Variants in PTPRD observed in about 807,000 individuals in gnomAD.
The protein encoded by PTPRD is receptor-type tyrosine-protein phosphatase delta.
A neutral mutation model predicts 214.5 loss-of-function variants in PTPRD; 34 were observed. The observed-to-expected ratio is 0.16, with a 90% CI of 0.12 to 0.21. PTPRD has a LOEUF of 0.21. Among genes scored for constraint, PTPRD ranks in the 10% least tolerant of loss-of-function variants. The probability of loss-of-function intolerance (pLI) is 1.00; values close to 1 mark genes in which losing one functional copy is unlikely to be tolerated. For synonymous variants in PTPRD, 1,128 were observed against 845.7 expected (o/e 1.33, Z -5.79); for missense variants, 2,545 against 2,398.7 (o/e 1.06, Z -1.27).
Position 8,501,028 on chromosome 9 carries a change from G to C in PTPRD, c.1854C>G (p.Cys618Trp), listed in dbSNP as rs2097393205. The C allele has an allele frequency of 1.2e-6, 2 of 1,613,860 alleles. No homozygotes were observed. The highest frequency in any genetic ancestry group is 4.5e-5 in the East Asian group (2 of 44,874). Residue 618 changes from cysteine (C) to tryptophan (W), a missense_variant, in exon 24 of 46, where the codon TGC (cysteine) becomes TGG (tryptophan). Transcript: ENST00000381196. Reference protein sequence around the residue: ...KPSAPPQDISCTSPSSTSILV... With the variant: ...KPSAPPQDISWTSPSSTSILV... ...AAATACTAGTGGAACTTGGGCTGGT[G>C]CAACTAATGTCTTGAGGAGGAGCTG...
At chr9:8,347,634 G>A (rs570040284) in intron 39 of PTPRD, among the ~76,000 whole-genome samples, 3 of 152,108 alleles carry the variant, frequency 2.0e-5, no homozygotes, top group South Asian at 4.1e-4. Flanking sequence ...ATGTTGAAAC[G>A]CTAACCCCCA....
chr9:10,556,496 A>T (rs2062634038), intron 2 of PTPRD, among the ~76,000 whole-genome samples: 1 of 152,118 alleles, frequency 6.6e-6, no homozygotes, highest in South Asian at 2.1e-4. Context: ...GGAAAAACGT[A>T]GAAAATACTG....
At chr9:9,573,329 C>A (rs2087155097) in intron 8 of PTPRD, among the ~76,000 whole-genome samples, 1 of 151,022 alleles carries the variant, frequency 6.6e-6, no homozygotes, top group African/African-American at 2.4e-5. Context: ...CTGTATACTT[C>A]TAGAACTGAA....
chr9:8,896,529 T>G (rs1271566134), intron 11 of PTPRD, among the ~76,000 whole-genome samples: 1 of 152,192 alleles, frequency 6.6e-6, no homozygotes, highest in East Asian at 1.9e-4. Flanking sequence ...ACCTAACATC[T>G]AATTTTAGTA....
At chr9:10,158,395 T>C (rs1239632940) in intron 3 of PTPRD, among the ~76,000 whole-genome samples, 1 of 152,210 alleles carries the variant, frequency 6.6e-6, no homozygotes. Flanking sequence ...TAATCAGCCA[T>C]GCATTTTAGT....
chr9:9,193,895 T>A (rs1160171243), intron 9 of PTPRD, among the ~76,000 whole-genome samples: 1 of 152,148 alleles, frequency 6.6e-6, no homozygotes, highest in East Asian at 1.9e-4. Context: ...TAAATTAACC[T>A]TAGATTACTG....
chr9:10,468,432 T>G (rs1225349652), intron 2 of PTPRD, among the ~76,000 whole-genome samples: 1 of 151,898 alleles, frequency 6.6e-6, no homozygotes, highest in Non-Finnish European at 1.5e-5. Flanking sequence ...TTCTCACTCA[T>G]AAGAGGGAGG....
intron 8 of PTPRD, among the ~76,000 whole-genome samples, chr9:9,552,021 A>T (rs896613794): frequency 6.6e-6 from 1 of 152,066 alleles, no homozygotes; most frequent in Admixed American, 6.6e-5. Context: ...ATAAAGACAC[A>T]TAAGCCCAAC....
At position 8,317,775 on chromosome 9, in the gene PTPRD, G is replaced by C. The variant is rs1160218953; in HGVS notation, c.*99C>G. 6.0e-6 allele frequency: 6 copies of C among 1,003,650 alleles called. No homozygotes were observed. The highest frequency in any genetic ancestry group is 1.6e-5 in the African/African-American group (1 of 61,944). 62.2% of individuals were successfully genotyped at this position (1,003,650 alleles called of 1,614,324 possible). A position where few individuals can be genotyped will look rare whatever the true frequency, so the allele number is the denominator to read the frequency against. ...AGTCCCACTAAGTAGTTGTTAGCTA[G>C]AAGTTAAGAAGGACTTCTCAAGTGC... On this transcript the variant is annotated 3_prime_UTR_variant, in exon 46 of 46. Transcript: ENST00000381196.
intron 7 of PTPRD, among the ~76,000 whole-genome samples, chr9:9,687,414 C>T (rs371328577): frequency 2.0e-5 from 3 of 151,692 alleles, no homozygotes; most frequent in African/African-American, 7.3e-5. Context: ...CTCAGGGTTT[C>T]CTGATGGGTA....
intron 44 of PTPRD, among the ~76,000 whole-genome samples, chr9:8,324,304 C>A (rs997494984): frequency 6.6e-6 from 1 of 152,044 alleles, no homozygotes; most frequent in African/African-American, 2.4e-5. Flanking sequence ...CCTGCGTCCA[C>A]GTGTTCTCAC....
intron 11 of PTPRD, among the ~76,000 whole-genome samples, chr9:8,821,047 G>A (rs2097050154): frequency 6.6e-6 from 1 of 152,102 alleles, no homozygotes; most frequent in African/African-American, 2.4e-5. Context: ...AGCTAGGGTT[G>A]GCTATAGACC....
At chr9:9,316,644 C>A (rs1569567307) in intron 9 of PTPRD, among the ~76,000 whole-genome samples, 1 of 152,098 alleles carries the variant, frequency 6.6e-6, no homozygotes, top group Non-Finnish European at 1.5e-5. Context: ...AACTATGCCA[C>A]TTTTCTTCCA....
intron 8 of PTPRD, among the ~76,000 whole-genome samples, chr9:9,481,710 T>C (rs1280657299): frequency 1.3e-5 from 2 of 152,060 alleles, no homozygotes; most frequent in Non-Finnish European, 2.9e-5. Context: ...GCAAATGTCA[T>C]ATTGCAGTGC....
chr9:10,019,336 A>G (rs1327774913), intron 4 of PTPRD, among the ~76,000 whole-genome samples: 1 of 152,204 alleles, frequency 6.6e-6, no homozygotes, highest in African/African-American at 2.4e-5. Flanking sequence ...GTGGGACTGT[A>G]AACTAGTTCA....
intron 7 of PTPRD, among the ~76,000 whole-genome samples, chr9:9,595,309 TATTA>T (rs908266928): frequency 1.1e-4 from 8 of 72,112 alleles, no homozygotes; most frequent in East Asian, 1.0e-3. Context: ...TATATATATA[TATTA>T]TATATATTTT....
At chr9:10,460,261 G>A (rs765513955) in intron 2 of PTPRD, among the ~76,000 whole-genome samples, 1 of 151,992 alleles carries the variant, frequency 6.6e-6, no homozygotes, top group Non-Finnish European at 1.5e-5. Flanking sequence ...GCTATTCCAT[G>A]CTTATGGATC....
chr9:9,586,575 C>A (rs1051776940), intron 7 of PTPRD, among the ~76,000 whole-genome samples: 1 of 151,938 alleles, frequency 6.6e-6, no homozygotes, highest in Admixed American at 6.6e-5. Flanking sequence ...TTATTTCCTA[C>A]AATTCTATGA....
intron 5 of PTPRD, among the ~76,000 whole-genome samples, chr9:9,773,215 T>C (rs1447443311): frequency 6.6e-6 from 1 of 151,874 alleles, no homozygotes; most frequent in African/African-American, 2.4e-5. Context: ...TCCCTCCTCA[T>C]CCCCCCAAAT....
Sources: allele counts gnomAD v4.1 joint callset (sites outside exome capture counted in the v4.1 genomes callset), GRCh38; gene constraint gnomAD v4.1.1; transcripts MANE v1.5; gene names NCBI Gene and HGNC (gene_info 2026-07-23, HGNC 2026-07-21).